SVOPL: variants seen among roughly 807,000 people sequenced by gnomAD.
SVOPL encodes putative transporter SVOPL.
A neutral mutation model predicts 61.0 loss-of-function variants in SVOPL; 60 were observed. The observed-to-expected ratio is 0.98, with a 90% confidence interval of 0.80 to 1.22. The LOEUF is 1.22. Among genes scored for constraint, SVOPL ranks in the 50% most tolerant of loss-of-function variants. The pLI, the probability that SVOPL is intolerant of heterozygous loss-of-function variation, is 0.00. For synonymous variants in SVOPL, 279 were observed against 250.0 expected (o/e 1.12, Z -1.09); for missense variants, 662 against 643.9 (o/e 1.03, Z -0.30).
intron 1 of SVOPL, among the ~76,000 whole-genome samples, chr7:138,693,032 G>C (rs1229008661): frequency 6.6e-6 from 1 of 152,092 alleles, no homozygotes; most frequent in African/African-American, 2.4e-5. Context: ...AAATAGCTAA[G>C]AGAATAACTA....
chr7:138,700,715 T>TGGATGGATGGATGGATGGCA (rs373341155), intron 1 of SVOPL, among the ~76,000 whole-genome samples: 3 of 151,104 alleles, frequency 2.0e-5, no homozygotes, highest in South Asian at 2.1e-4. Context: ...GATGGATGGA[T>TGGATGGATGGATGGATGGCA]GGCAGATGGA....
intron 14 of SVOPL, among the ~76,000 whole-genome samples, chr7:138,610,324 C>G (rs1433063501): frequency 1.3e-5 from 2 of 151,162 alleles, no homozygotes; most frequent in East Asian, 1.9e-4. Context: ...ATAAAAAGTA[C>G]TATGATATTT....
intron 14 of SVOPL, among the ~76,000 whole-genome samples, chr7:138,606,429 C>T (rs970430594): frequency 1.3e-5 from 2 of 152,108 alleles, no homozygotes; most frequent in Non-Finnish European, 2.9e-5. Context: ...CCCTTATCTG[C>T]GTAGTTACTT....
In SVOPL at chr7:138,659,938, C is replaced by G; in HGVS notation, c.396G>C (p.Ser132=). Residue 132 remains serine (S), a synonymous_variant, in exon 6 of 16, where the codon TCG becomes TCC. Coordinates refer to ENST00000674285, the MANE Select transcript of SVOPL (RefSeq NM_001139456.2). ...LWGAYFSLLT[S]FAPSYIWFVF... ...CAAACCAGATGTACGAAGGAGCAAA[C>G]GAGGTCAGCAAGGAGAAATAGGCTC... is the stretch of plus-strand genomic sequence containing the variant. 1 of 1,551,448 alleles carries G rather than the reference C, an allele frequency of 6.4e-7. No homozygotes were observed.
At chr7:138,690,053 C>A (rs1216866331) in intron 1 of SVOPL, among the ~76,000 whole-genome samples, 2 of 152,188 alleles carry the variant, frequency 1.3e-5, no homozygotes, top group Admixed American at 6.5e-5. Flanking sequence ...CAACCACCAG[C>A]AGCTAGGGGA....
Position 138,599,867 on chromosome 7 carries a change from G to A in SVOPL, c.1354-3337C>T, listed in dbSNP as rs191492366. Among the ~76,000 whole-genome samples the A allele has an allele frequency of 2.2e-3, 316 of 143,366 alleles. 2 individuals carry two copies. Among genetic ancestry groups the A allele is most frequent in the African/African-American group, 7.7e-3 (291 of 37,824 alleles). 94.1% of individuals were successfully genotyped at this position (143,366 alleles called of 152,430 possible). On this transcript the variant is annotated intron_variant, in intron 14 of 15. Transcript: ENST00000674285. ...CACACCACTGCACTCCAGCCTGGAC[G>A]ATGGAGCGAGACTCCGTCTCAAAAA...
chr7:138,629,940 G>A, intron 10 of SVOPL, 109 bp downstream of exon 10: 3 of 794,094 alleles, frequency 3.8e-6, no homozygotes, highest in Non-Finnish European at 4.3e-6. Context: ...GTAGTATTTG[G>A]AGTTAGTCTT....
chr7:138,676,082 G>A (rs113819319), intron 3 of SVOPL, among the ~76,000 whole-genome samples: 2,175 of 152,044 alleles, frequency 0.014, 58 homozygotes, highest in African/African-American at 0.05. Context: ...GTGATCCACC[G>A]GCCTTGACCT....
At chr7:138,699,460 CTTG>C (rs1180787784) in intron 1 of SVOPL, among the ~76,000 whole-genome samples, 1 of 152,028 alleles carries the variant, frequency 6.6e-6, no homozygotes, top group African/African-American at 2.4e-5. Context: ...GAAAAAGTCA[CTTG>C]TTTTCTAAAC....
chr7:138,601,200 C>A (rs914574172), intron 14 of SVOPL, among the ~76,000 whole-genome samples: 2 of 136,998 alleles, frequency 1.5e-5, no homozygotes, highest in East Asian at 2.1e-4. Flanking sequence ...TGCAGTGAGC[C>A]AAGATCGTGC....
intron 7 of SVOPL, among the ~76,000 whole-genome samples, chr7:138,651,222 C>A (rs1412461036): frequency 6.6e-6 from 1 of 152,142 alleles, no homozygotes; most frequent in Non-Finnish European, 1.5e-5. Context: ...GGATGCATCC[C>A]TAGGCTTCTG....
intron 9 of SVOPL, among the ~76,000 whole-genome samples, chr7:138,639,153 G>C (rs947766811): frequency 6.6e-6 from 1 of 152,188 alleles, no homozygotes; most frequent in Non-Finnish European, 1.5e-5. Context: ...TACTTGGGGG[G>C]CTGAGGCAGG....
At chr7:138,613,419 T>C (rs1799145700) in intron 14 of SVOPL, among the ~76,000 whole-genome samples, 1 of 152,200 alleles carries the variant, frequency 6.6e-6, no homozygotes, top group South Asian at 2.1e-4. Flanking sequence ...CTAAAGTCCT[T>C]AATATGCCTG....
intron 1 of SVOPL, among the ~76,000 whole-genome samples, chr7:138,689,679 A>C (rs982836572): frequency 2.6e-5 from 4 of 151,996 alleles, no homozygotes; most frequent in African/African-American, 9.7e-5. Context: ...CAACATGGTG[A>C]AACCCCGTCT....
intron 14 of SVOPL, among the ~76,000 whole-genome samples, chr7:138,619,454 A>G (rs1200449130): frequency 6.6e-6 from 1 of 151,776 alleles, no homozygotes; most frequent in East Asian, 1.9e-4. Flanking sequence ...TCTTTTCTGA[A>G]AATGATGAAA....
intron 14 of SVOPL, among the ~76,000 whole-genome samples, chr7:138,601,067 T>C (rs368203846): frequency 5.9e-5 from 9 of 151,428 alleles, no homozygotes; most frequent in East Asian, 5.8e-4. Flanking sequence ...CTGGCTAACA[T>C]GGTGAAACCC....
At chr7:138,599,905 G>T (rs1368556931) in intron 14 of SVOPL, among the ~76,000 whole-genome samples, 1 of 146,050 alleles carries the variant, frequency 6.8e-6, no homozygotes, top group African/African-American at 2.5e-5. Context: ...AAAAAAAAAA[G>T]GAAAAAAAAT....
intron 15 of SVOPL, 111 bp downstream of exon 15, chr7:138,596,306 C>T: frequency 1.2e-6 from 1 of 862,492 alleles, no homozygotes; most frequent in Non-Finnish European, 1.7e-6. Flanking sequence ...AGAAAGAAAT[C>T]TGATATGAAT....
intron 8 of SVOPL, chr7:138,645,838 A>T (rs997060831): frequency 1.9e-5 from 3 of 161,006 alleles, no homozygotes; most frequent in African/African-American, 4.8e-5. Context: ...GTTTTTTGAG[A>T]TGGAGTCTCG....
Sources: gnomAD v4.1 joint callset for allele counts (sites outside exome capture counted in the v4.1 genomes callset) on GRCh38, gnomAD v4.1.1 for gene constraint, MANE v1.5 for transcripts, NCBI Gene and HGNC (gene_info 2026-07-23, HGNC 2026-07-21) for gene names.